The following TRDN variants were observed in gnomAD, a reference collection of about 807,000 sequenced individuals.
The protein encoded by TRDN is triadin.
A neutral mutation model predicts 149.7 loss-of-function variants in TRDN; 161 were observed. The ratio of observed to expected loss-of-function variants is 1.08; its 90% CI spans 0.95 to 1.23. The LOEUF (loss-of-function observed/expected upper bound fraction) is 1.23, where lower values mean the gene tolerates loss of function less well. Ranked by LOEUF, TRDN falls within the 50% of genes most tolerant of loss-of-function variation. The pLI is 0.00. For missense variants in TRDN, 896 were observed against 823.5 expected (o/e 1.09, Z -1.08); for synonymous variants, 294 against 250.5 (o/e 1.17, Z -1.64).
intron 38 of TRDN, among the ~76,000 whole-genome samples, 183 bp from the exon 39 acceptor site, chr6:123,224,314 T>C (rs966617904): frequency 6.6e-5 from 10 of 151,686 alleles, no homozygotes; most frequent in East Asian, 1.9e-4. Context: ...GGAGAGAGGA[T>C]GTGGAGAAAA....
intron 8 of TRDN, among the ~76,000 whole-genome samples, chr6:123,498,816 T>C (rs898064810): frequency 1.3e-5 from 2 of 152,228 alleles, no homozygotes; most frequent in African/African-American, 4.8e-5. Context: ...CAGTGTGGAC[T>C]TTCTGAAATC....
chr6:123,261,923 G>T (rs1410041596), intron 33 of TRDN, among the ~76,000 whole-genome samples: 5 of 151,878 alleles, frequency 3.3e-5, no homozygotes, highest in African/African-American at 1.2e-4. Flanking sequence ...TTATGAAGTA[G>T]CCTGTAGCTG....
At chr6:123,452,512 A>T (rs1021084867) in intron 10 of TRDN, among the ~76,000 whole-genome samples, 4 of 152,014 alleles carry the variant, frequency 2.6e-5, no homozygotes, top group Admixed American at 6.6e-5. Context: ...TGCAAAAAAA[A>T]AACGTAAGAT....
intron 38 of TRDN, among the ~76,000 whole-genome samples, chr6:123,241,654 A>G (rs1775994691): frequency 6.6e-6 from 1 of 151,994 alleles, no homozygotes; most frequent in Non-Finnish European, 1.5e-5. Flanking sequence ...TGGAAATCCT[A>G]ACTACTTTTC....
intron 2 of TRDN, among the ~76,000 whole-genome samples, chr6:123,556,135 AAAGAG>A (rs1261663780): frequency 6.6e-6 from 1 of 152,180 alleles, no homozygotes; most frequent in Non-Finnish European, 1.5e-5. Context: ...ATGCTTTTGT[AAAGAG>A]AAGAGTATGA....
chr6:123,599,401 A>G (rs1464203168), intron 1 of TRDN, among the ~76,000 whole-genome samples: 3 of 152,048 alleles, frequency 2.0e-5, no homozygotes, highest in African/African-American at 7.2e-5. Context: ...CATAACTACC[A>G]TTGCAATAAA....
chr6:123,292,527 A>G (rs1283970987), intron 24 of TRDN, among the ~76,000 whole-genome samples: 1 of 152,206 alleles, frequency 6.6e-6, no homozygotes, highest in Non-Finnish European at 1.5e-5. Context: ...CTATAAAAAT[A>G]AAATATTACT....
Position 123,547,385 on chromosome 6 carries a change from T to C in TRDN, c.392-13A>G. ...TCATCTATTTCTCCTAGACCAAGAT[T>C]AAAAGAAAAACAAAGTTAGAAAATA... On this transcript the variant is annotated splice_polypyrimidine_tract_variant and intron_variant, in intron 3 of 40. Coordinates refer to ENST00000334268, the MANE Select transcript of TRDN (RefSeq NM_006073.4). The C allele has an allele frequency of 7.0e-7, 1 of 1,419,092 alleles. No homozygotes were observed. The highest frequency in any genetic ancestry group is 9.3e-7 in the Non-Finnish European group (1 of 1,073,858). The allele number at this position is 1,419,092 out of a possible 1,614,324, so 87.9% of individuals were successfully genotyped here.
chr6:123,626,009 C>A (rs1785642713), intron 1 of TRDN, among the ~76,000 whole-genome samples: 1 of 152,106 alleles, frequency 6.6e-6, no homozygotes, highest in African/African-American at 2.4e-5. Flanking sequence ...AGGATTTTAC[C>A]CATAGGAGAA....
intron 1 of TRDN, among the ~76,000 whole-genome samples, chr6:123,615,223 T>C (rs1339912214): frequency 6.6e-6 from 1 of 152,154 alleles, no homozygotes; most frequent in Non-Finnish European, 1.5e-5. Flanking sequence ...GTGCAGCCAT[T>C]ATGAAAAATA....
At chr6:123,621,834 G>A (rs1785398547) in intron 1 of TRDN, among the ~76,000 whole-genome samples, 1 of 152,118 alleles carries the variant, frequency 6.6e-6, no homozygotes, top group Non-Finnish European at 1.5e-5. Flanking sequence ...CCTTAATTGG[G>A]AAGCGACACC....
In TRDN at chr6:123,595,777, C is replaced by G. The variant is rs560495352; in HGVS notation, c.23-24645G>C. On this transcript the variant is annotated intron_variant, in intron 1 of 40. Transcript: ENST00000334268. Reference sequence around the variant, plus strand: ...TGCACCCATTAATTGTTTACAGGCTCCATGAATCCCACCCATTCAAGAAGG... The same window carrying G: ...TGCACCCATTAATTGTTTACAGGCTGCATGAATCCCACCCATTCAAGAAGG... Among the ~76,000 whole-genome samples, 6 of 152,090 alleles carry G rather than the reference C, an allele frequency of 3.9e-5. No homozygotes were observed. In the South Asian group the frequency reaches 1.2e-3, roughly 32 times the overall value.
intron 8 of TRDN, among the ~76,000 whole-genome samples, chr6:123,499,719 A>AAAAAAAAAAAAAAAAAAATATATAT: frequency 2.1e-5 from 1 of 47,676 alleles, no homozygotes; most frequent in African/African-American, 7.2e-5. Context: ...AAAAAAAAAA[A>AAAAAAAAAAAAAAAAAAATATATAT]ATATATATAT....
chr6:123,341,078 CCAA>C (rs1478558070), intron 21 of TRDN, among the ~76,000 whole-genome samples: 6 of 151,646 alleles, frequency 4.0e-5, no homozygotes, highest in African/African-American at 1.5e-4. Flanking sequence ...ACTACAAACT[CCAA>C]CATATAAAAT....
At chr6:123,421,047 G>T (rs1206026388) in intron 12 of TRDN, among the ~76,000 whole-genome samples, 6 of 152,148 alleles carry the variant, frequency 3.9e-5, no homozygotes, top group Non-Finnish European at 8.8e-5. Flanking sequence ...AGTTAAAAGA[G>T]AGGAAACAGC....
At chr6:123,384,326 T>A (rs1218643446) in intron 14 of TRDN, among the ~76,000 whole-genome samples, 1 of 152,170 alleles carries the variant, frequency 6.6e-6, no homozygotes, top group Non-Finnish European at 1.5e-5. Flanking sequence ...TATACTGAAA[T>A]AGGATTTCTG....
intron 9 of TRDN, among the ~76,000 whole-genome samples, chr6:123,473,047 C>T (rs1777267720): frequency 6.6e-6 from 1 of 152,228 alleles, no homozygotes; most frequent in African/African-American, 2.4e-5. Context: ...CTCTCCTCCT[C>T]CAAAGGAACG....
Position 123,606,054 on chromosome 6 carries a change from T to C in TRDN, c.22+30700A>G, listed in dbSNP as rs975642413. Reference sequence around the variant, plus strand: ...TGTTACCAAACTGAAGTTTATCTCCTAGTTTCCTGTGAATAAAGAATTTGC... The same window carrying C: ...TGTTACCAAACTGAAGTTTATCTCCCAGTTTCCTGTGAATAAAGAATTTGC... On this transcript the variant is annotated intron_variant, in intron 1 of 40. Transcript: ENST00000334268. 3.3e-5 allele frequency among the ~76,000 whole-genome samples: 5 copies of C among 152,250 alleles called. No homozygotes were observed. In the South Asian group the frequency reaches 8.3e-4, roughly 25 times the overall value.
intron 10 of TRDN, chr6:123,444,973 A>C (rs1775220330): frequency 6.6e-6 from 1 of 152,152 alleles, no homozygotes; most frequent in African/African-American, 2.4e-5. Context: ...ATATTGGTCT[A>C]AAATTCTCTT....
Sources: allele counts gnomAD v4.1 joint callset (sites outside exome capture counted in the v4.1 genomes callset), GRCh38; gene constraint gnomAD v4.1.1; transcripts MANE v1.5; gene names NCBI Gene and HGNC (gene_info 2026-07-23, HGNC 2026-07-21).